Variants in SLC2A9 observed in about 807,000 individuals in gnomAD.
SLC2A9 encodes solute carrier family 2, facilitated glucose transporter member 9.
SLC2A9 carries 39 observed loss-of-function variants against 50.6 expected under a neutral mutation model. That is an observed-to-expected ratio of 0.77 (90% CI 0.60 to 1.01). The LOEUF (loss-of-function observed/expected upper bound fraction) is 1.01. Ranked by LOEUF, SLC2A9 falls within the 50% of genes least tolerant of loss-of-function variation. SLC2A9 has a pLI of 0.00. For synonymous variants in SLC2A9, 324 were observed against 276.9 expected, an observed-to-expected ratio of 1.17 and a Z score of -1.69; for missense variants, 686 against 677.6, an observed-to-expected ratio of 1.01 and a Z score of -0.14.
chr4:9,958,169 T>A (rs927159880), intron 5 of SLC2A9, among the ~76,000 whole-genome samples: 5 of 152,224 alleles, frequency 3.3e-5, no homozygotes, highest in South Asian at 2.1e-4. Context: ...GTTCTATATC[T>A]AGCCTAACTA....
At chr4:9,775,212 T>C (rs1348824679), downstream of SLC2A9, among the ~76,000 whole-genome samples, 3 of 152,168 alleles carry the variant, frequency 2.0e-5, no homozygotes, top group Admixed American at 1.3e-4. Flanking sequence ...AAAACCTCCA[T>C]GTGACCTCTC....
rs1347923751 is a variant in SLC2A9 at position 9,996,810 on chromosome 4, A to T, written c.381T>A (p.Ile127=). 2 of 1,613,896 alleles carry T rather than the reference A, an allele frequency of 1.2e-6. No individual in the cohort carries two copies. Among genetic ancestry groups the T allele is most frequent in the Admixed American group, 3.3e-5 (2 of 60,000 alleles). ...FAIGGLVGTL[I]VKMIGKVLGR... is the part of the protein sequence containing the mutation. ...CAAGAACCTTTCCAATCATCTTCAC[A>T]ATTAACGTCCCCACAAGTCCACCGA... Residue 127 remains isoleucine (I), a synonymous_variant, in exon 3 of 12, where the codon ATT becomes ATA. Coordinates refer to ENST00000264784, the MANE Select transcript of SLC2A9 (RefSeq NM_020041.3).
At chr4:9,879,879 A>G in intron 10 of SLC2A9, 1 of 985,440 alleles carries the variant, frequency 1.0e-6, no homozygotes, top group African/African-American at 1.7e-5. Context: ...TATGCACACA[A>G]ATAAAATATG....
intron 6 of SLC2A9, among the ~76,000 whole-genome samples, chr4:9,937,583 C>T (rs969624486): frequency 2.0e-5 from 3 of 152,168 alleles, no homozygotes; most frequent in African/African-American, 7.2e-5. Context: ...GGCAGTGCGT[C>T]CCCACCTCCC....
intron 8 of SLC2A9, among the ~76,000 whole-genome samples, chr4:9,900,506 C>T (rs1475947667): frequency 2.0e-5 from 3 of 152,102 alleles, no homozygotes; most frequent in Non-Finnish European, 4.4e-5. Flanking sequence ...GGGGAATGTG[C>T]TTCCAGGGCA....
In SLC2A9 at chr4:9,783,482, C is replaced by A. The variant is rs374749357; in HGVS notation, n.386-3417G>T. The A allele has an allele frequency of 1.5e-4, 231 of 1,578,940 alleles. No individual in the cohort carries two copies. In the South Asian group the frequency reaches 2.4e-3, roughly 16 times the overall value. ...CCATTAAACTGCATTAAGAAACCCC[C>A]TCATGGATCTGCATAACCGCACAGA... On this transcript the variant is annotated intron_variant and non_coding_transcript_variant, in intron 3 of 3. Transcript: ENST00000503803.
chr4:9,973,849 C>G (rs1185086628), intron 5 of SLC2A9, among the ~76,000 whole-genome samples: 2 of 142,836 alleles, frequency 1.4e-5, no homozygotes, highest in African/African-American at 5.2e-5. Flanking sequence ...TACCCTAAAA[C>G]TTAAAGTATT....
At chr4:9,838,494 T>C (rs779390263) in intron 10 of SLC2A9, among the ~76,000 whole-genome samples, 2 of 152,048 alleles carry the variant, frequency 1.3e-5, no homozygotes, top group South Asian at 2.1e-4. Context: ...CACAGAGCCA[T>C]AAAAAACCGT....
downstream of SLC2A9, among the ~76,000 whole-genome samples, chr4:9,775,684 G>A (rs1186723950): frequency 6.6e-6 from 1 of 152,036 alleles, no homozygotes; most frequent in Non-Finnish European, 1.5e-5. Context: ...GCCACGTGAT[G>A]TGCCTGCTCA....
At chr4:10,018,385 T>C (rs987644587) in intron 2 of SLC2A9, among the ~76,000 whole-genome samples, 11 of 151,998 alleles carry the variant, frequency 7.2e-5, no homozygotes, top group Non-Finnish European at 1.0e-4. Flanking sequence ...CCTCTACAAA[T>C]ACAAAAATTA....
At chr4:9,925,258 T>C (rs1039569297) in intron 6 of SLC2A9, among the ~76,000 whole-genome samples, 1 of 152,214 alleles carries the variant, frequency 6.6e-6, no homozygotes. Flanking sequence ...GTTACATCTT[T>C]TGGAGACCTT....
chr4:9,809,578 C>T (rs559367068), intron 3 of SLC2A9, among the ~76,000 whole-genome samples: 1 of 152,282 alleles, frequency 6.6e-6, no homozygotes, highest in Admixed American at 6.5e-5. Context: ...TCCAGACGAC[C>T]CTTCAGCCTG....
chr4:10,015,266 C>T (rs867865690), intron 2 of SLC2A9, among the ~76,000 whole-genome samples: 3 of 152,208 alleles, frequency 2.0e-5, no homozygotes, highest in African/African-American at 7.2e-5. Context: ...CAAACTCCCC[C>T]CATGGCTGGA....
At chr4:9,991,857 G>A (rs559454262) in intron 3 of SLC2A9, among the ~76,000 whole-genome samples, 11 of 152,286 alleles carry the variant, frequency 7.2e-5, no homozygotes, top group Admixed American at 6.5e-4. Flanking sequence ...CCAGAACTGT[G>A]AGAAAATGAA....
chr4:9,782,427 T>A, intron 3 of SLC2A9: 1 of 1,613,998 alleles, frequency 6.2e-7, no homozygotes, highest in East Asian at 2.2e-5. Flanking sequence ...AACCTGTGCG[T>A]CATCAGCGTG....
At chr4:9,781,434 C>T (rs1480676803) in intron 3 of SLC2A9, among the ~76,000 whole-genome samples, 2 of 152,230 alleles carry the variant, frequency 1.3e-5, no homozygotes, top group East Asian at 1.9e-4. Flanking sequence ...TTCGGTTTTC[C>T]CGGGGAGAAT....
chr4:9,771,633 G>T (rs1716832938), intron 1 of SLC2A9, among the ~76,000 whole-genome samples: 1 of 152,232 alleles, frequency 6.6e-6, no homozygotes, highest in South Asian at 2.1e-4. Flanking sequence ...ACTTCACCTT[G>T]AGTGGTTTGC....
intron 10 of SLC2A9, chr4:9,878,924 G>T: frequency 2.0e-6 from 1 of 511,654 alleles, no homozygotes; most frequent in South Asian, 8.4e-5. Flanking sequence ...CATGTGTTTG[G>T]TGTCAAAATA....
downstream of SLC2A9, among the ~76,000 whole-genome samples, chr4:9,823,775 T>C (rs1296304887): frequency 6.6e-6 from 1 of 152,204 alleles, no homozygotes. Context: ...ATTGAGATGA[T>C]GCATTTGATT....
Sources: allele counts gnomAD v4.1 joint callset (sites outside exome capture counted in the v4.1 genomes callset), GRCh38; gene constraint gnomAD v4.1.1; transcripts MANE v1.5; gene names NCBI Gene and HGNC (gene_info 2026-07-23, HGNC 2026-07-21).